The following TNIK variants were observed in gnomAD, a reference collection of about 807,000 sequenced individuals.
TNIK encodes TRAF2 and NCK interacting kinase, also known as TRAF2 and NCK-interacting protein kinase.
Under a neutral mutation model 191.3 loss-of-function variants are expected in TNIK, and 49 were observed. The observed-to-expected ratio is 0.26, with a 90% CI of 0.20 to 0.32. The LOEUF is 0.32. TNIK is among the 10% of genes least tolerant of loss of function. The pLI is 1.00. For synonymous variants in TNIK, 594 were observed against 600.9 expected, an observed-to-expected ratio of 0.99 and a Z score of 0.17; for missense variants, 1,155 against 1,702.3, an observed-to-expected ratio of 0.68 and a Z score of 5.66.
chr3:171,250,139 C>T (rs1298526250), intron 2 of TNIK, among the ~76,000 whole-genome samples: 1 of 152,206 alleles, frequency 6.6e-6, no homozygotes, highest in Admixed American at 6.5e-5. Flanking sequence ...GGCACATGTT[C>T]AGGAAGAATT....
At chr3:171,357,415 A>T (rs1714254553) in intron 2 of TNIK, among the ~76,000 whole-genome samples, 2 of 151,696 alleles carry the variant, frequency 1.3e-5, no homozygotes, top group South Asian at 4.2e-4. Context: ...CAGCCTCCCG[A>T]GTAGCTGGGA....
At chr3:171,144,926 A>G (rs945416166) in intron 12 of TNIK, among the ~76,000 whole-genome samples, 5 of 152,178 alleles carry the variant, frequency 3.3e-5, no homozygotes, top group Non-Finnish European at 7.3e-5. Context: ...ACGTTGCTGC[A>G]AACAACAGAA....
At chr3:171,187,198 A>G (rs1261344549) in intron 7 of TNIK, among the ~76,000 whole-genome samples, 1 of 152,216 alleles carries the variant, frequency 6.6e-6, no homozygotes, top group Non-Finnish European at 1.5e-5. Context: ...GCTAATCATG[A>G]TACCCATATC....
intron 1 of TNIK, among the ~76,000 whole-genome samples, chr3:171,422,753 CA>C (rs550650183): frequency 1.6e-3 from 238 of 152,240 alleles, no homozygotes; most frequent in African/African-American, 5.5e-3. Flanking sequence ...TTCAATCAAC[CA>C]AACATTCTCT....
chr3:171,105,013 A>G (rs544442765), intron 21 of TNIK, among the ~76,000 whole-genome samples: 1 of 152,340 alleles, frequency 6.6e-6, no homozygotes, highest in East Asian at 1.9e-4. Flanking sequence ...TATTAAATAG[A>G]CTATGCTGCA....
intron 2 of TNIK, among the ~76,000 whole-genome samples, chr3:171,262,962 C>A (rs1473193827): frequency 6.6e-6 from 1 of 152,176 alleles, no homozygotes; most frequent in Non-Finnish European, 1.5e-5. Context: ...TAGAAAGAGA[C>A]AGCCCTTTTC....
chr3:171,181,818 T>C (rs1736682858), intron 7 of TNIK, among the ~76,000 whole-genome samples: 1 of 152,218 alleles, frequency 6.6e-6, no homozygotes, highest in Non-Finnish European at 1.5e-5. Flanking sequence ...TCTAGATTTC[T>C]GGTGACATAA....
intron 2 of TNIK, among the ~76,000 whole-genome samples, chr3:171,319,077 G>A (rs1159813063): frequency 6.6e-6 from 1 of 152,096 alleles, no homozygotes; most frequent in Non-Finnish European, 1.5e-5. Context: ...TACTTGGGAC[G>A]CTAAAATGGG....
At position 171,068,890 on chromosome 3, in the gene TNIK, A is replaced by G. The variant is rs1475718170; in HGVS notation, c.3657T>C (p.Asp1219=). ...TATCATAAGAGTTTCCTGAATCAAC[A>G]TCAATTACATGGAAACCAGTGTGTG... ...FGSHTGFHVI[D]VDSGNSYDIY... The change falls in exon 30 of 33, where the codon GAT becomes GAC. Residue 1219 remains aspartate, a synonymous_variant. Coordinates refer to ENST00000436636, the MANE Select transcript of TNIK (RefSeq NM_015028.4). 2 of 1,613,756 alleles carry G rather than the reference A, an allele frequency of 1.2e-6. No homozygotes were observed. Among genetic ancestry groups the G allele is most frequent in the Non-Finnish European group, 1.7e-6 (2 of 1,179,816 alleles).
chr3:171,427,429 C>T (rs1724783111), intron 1 of TNIK, among the ~76,000 whole-genome samples: 1 of 152,092 alleles, frequency 6.6e-6, no homozygotes, highest in South Asian at 2.1e-4. Context: ...ATTAGATTGC[C>T]TCTGTAATCT....
At chr3:171,174,892 A>C (rs1382676428) in intron 9 of TNIK, among the ~76,000 whole-genome samples, 24 of 152,234 alleles carry the variant, frequency 1.6e-4, no homozygotes. Context: ...GAAATCAGCC[A>C]ATCTAACAGG....
At position 171,062,014 on chromosome 3, in the gene TNIK, A is replaced by G. The variant is rs1254938324; in HGVS notation, c.*1867T>C. 1 of 152,136 alleles carries G rather than the reference A, an allele frequency of 6.6e-6. No homozygotes were observed. The highest frequency in any genetic ancestry group is 1.9e-4 in the East Asian group (1 of 5,204). 9.4% of individuals were successfully genotyped at this position (152,136 alleles called of 1,614,324 possible). A position where few individuals can be genotyped will look rare whatever the true frequency, so the allele number is the denominator to read the frequency against. On this transcript the variant is annotated 3_prime_UTR_variant, in exon 33 of 33. Transcript: ENST00000436636. ...CCACCTTTTCAGGAGGGGCATAATA[A>G]TGTAATCCAGAAACTAGAATGTTTC...
At chr3:171,150,229 G>A (rs967083526) in intron 12 of TNIK, among the ~76,000 whole-genome samples, 2 of 152,198 alleles carry the variant, frequency 1.3e-5, no homozygotes, top group Admixed American at 1.3e-4. Context: ...CACTCTCCTT[G>A]AACTTATTCA....
At chr3:171,283,871 G>A (rs1750739910) in intron 2 of TNIK, among the ~76,000 whole-genome samples, 1 of 152,234 alleles carries the variant, frequency 6.6e-6, no homozygotes. Flanking sequence ...CTGTCTCTCA[G>A]CCATCTTCCA....
At chr3:171,423,321 T>G (rs1019354733) in intron 1 of TNIK, among the ~76,000 whole-genome samples, 5 of 151,852 alleles carry the variant, frequency 3.3e-5, no homozygotes, top group Non-Finnish European at 7.4e-5. Context: ...CACTGCTCAA[T>G]GAAATAAAAG....
chr3:171,072,533 A>T (rs1033796294), intron 28 of TNIK, among the ~76,000 whole-genome samples: 2 of 152,076 alleles, frequency 1.3e-5, no homozygotes, highest in African/African-American at 4.8e-5. Context: ...CAAGACAAGA[A>T]TTTCCACTCT....
chr3:171,068,519 C>T (rs1328802439), intron 30 of TNIK, among the ~76,000 whole-genome samples: 1 of 152,172 alleles, frequency 6.6e-6, no homozygotes, highest in Non-Finnish European at 1.5e-5. Flanking sequence ...AATTTCCCTT[C>T]AAAAACTGAA....
Position 171,138,307 on chromosome 3 carries a change from C to T in TNIK, c.1492G>A (p.Asp498Asn). The change falls in exon 15 of 33, where the codon GAC becomes AAC. Residue 498 changes from aspartate (D) to asparagine (N), a missense_variant. Transcript: ENST00000436636. ...TGATGCTGAAGGGAAACTAAGTAGT[C>T]TCTTTCTTGCTTTAGCTGCCTCTGC... The part of the protein sequence containing the change: ...RLQRQLKQER[D>N]YLVSLQHQRQ... 1 of 1,613,274 alleles carries T rather than the reference C, an allele frequency of 6.2e-7. No individual in the cohort carries two copies. Among genetic ancestry groups the T allele is most frequent in the Non-Finnish European group, 8.5e-7 (1 of 1,179,662 alleles).
chr3:171,101,875 CTGAATATATA>C, intron 21 of TNIK: 1 of 475,884 alleles, frequency 2.1e-6, no homozygotes, highest in Non-Finnish European at 3.7e-6. Flanking sequence ...CTGTTCAGTC[CTGAATATATA>C]TGTGTACATA....
Sources: gnomAD v4.1 joint callset for allele counts (sites outside exome capture counted in the v4.1 genomes callset) on GRCh38, gnomAD v4.1.1 for gene constraint, MANE v1.5 for transcripts, NCBI Gene and HGNC (gene_info 2026-07-23, HGNC 2026-07-21) for gene names.